Variants in DNAH6 observed in about 807,000 individuals in gnomAD.
DNAH6 encodes the protein dynein axonemal heavy chain 6.
A neutral mutation model predicts 491.4 loss-of-function variants in DNAH6; 340 were observed. That is an observed-to-expected ratio of 0.69 (90% CI 0.63 to 0.76). DNAH6 has a LOEUF of 0.76. Among genes scored for constraint, DNAH6 ranks in the 30% least tolerant of loss-of-function variants. DNAH6 has a pLI of 0.00. For missense variants in DNAH6, 4,443 were observed against 4,972.2 expected (o/e 0.89, Z 3.20); for synonymous variants, 1,603 against 1,686.1 (o/e 0.95, Z 1.21).
chr2:84,669,350 C>T lies in DNAH6; in HGVS notation c.6146C>T (p.Pro2049Leu). 2 of 1,548,340 alleles carry T rather than the reference C, an allele frequency of 1.3e-6. No homozygotes were observed. Among genetic ancestry groups the T allele is most frequent in the Middle Eastern group, 1.7e-4 (1 of 5,996 alleles). ...HMDFDTKRLD[P>L]WERIIPTFKY... is the part of the protein sequence containing the mutation. ...GACTTTGACACCAAACGGCTGGATC[C>T]CTGGGAACGAATCATACCTACTTTC... The change falls in exon 38 of 77, where the codon CCC becomes CTC. Residue 2049 changes from proline (P) to leucine (L), a missense_variant. Physicochemically the swap from Pro to Leu is moderately conservative, Grantham distance 98. This residue lies in a region of DNAH6 where 2,977 missense variants were observed against 3,296.6 expected (regional missense o/e 0.90). Transcript: ENST00000389394.
the DNAH6 span, among the ~76,000 whole-genome samples, chr2:84,484,009 G>T: frequency 2.2e-4 from 34 of 152,102 alleles, no homozygotes; most frequent in African/African-American, 8.2e-4. Context: ...TACCCACTTG[G>T]TTTTTGTTGA....
chr2:84,744,307 G>T (rs957012795), intron 62 of DNAH6, among the ~76,000 whole-genome samples: 1 of 152,156 alleles, frequency 6.6e-6, no homozygotes, highest in African/African-American at 2.4e-5. Context: ...TAGTTATTTT[G>T]GCTTTCTGAA....
At chr2:84,550,180 G>A (rs572615733) in intron 9 of DNAH6, 123 bp downstream of exon 9, 51 of 789,592 alleles carry the variant, frequency 6.5e-5, no homozygotes, top group Middle Eastern at 3.8e-4. Context: ...ATAGAGCAGC[G>A]GCCCCCAACA....
At chr2:84,635,177 T>A (rs1573306098) in intron 30 of DNAH6, among the ~76,000 whole-genome samples, 2 of 152,138 alleles carry the variant, frequency 1.3e-5, no homozygotes, top group East Asian at 3.9e-4. Flanking sequence ...TTGGAAGGTG[T>A]CCTGATAAGA....
intron 10 of DNAH6, among the ~76,000 whole-genome samples, chr2:84,554,775 C>T (rs1171763903): frequency 6.6e-6 from 1 of 152,190 alleles, no homozygotes; most frequent in East Asian, 1.9e-4. Context: ...GCTCTCATGT[C>T]CCCTCCTGGC....
chr2:84,720,212 G>A (rs1697964862), intron 59 of DNAH6, among the ~76,000 whole-genome samples: 1 of 151,748 alleles, frequency 6.6e-6, no homozygotes, highest in African/African-American at 2.4e-5. Flanking sequence ...ATGACCTAGG[G>A]GGTCCTCTTA....
chr2:84,650,962 G>T (rs770660672), intron 33 of DNAH6, among the ~76,000 whole-genome samples: 12 of 152,138 alleles, frequency 7.9e-5, no homozygotes, highest in Admixed American at 1.3e-4. Context: ...ATGCAACTTT[G>T]TTACTGCCAG....
the DNAH6 span, among the ~76,000 whole-genome samples, chr2:84,488,793 T>TA: frequency 6.6e-6 from 1 of 152,228 alleles, no homozygotes; most frequent in East Asian, 1.9e-4. Context: ...GATGAGGACC[T>TA]AAACATCTTT....
chr2:84,676,351 C>T (rs1693234150), intron 40 of DNAH6, among the ~76,000 whole-genome samples: 1 of 152,124 alleles, frequency 6.6e-6, no homozygotes, highest in Admixed American at 6.5e-5. Context: ...TGTAAAATGG[C>T]CCAGTTGTGG....
chr2:84,627,789 C>G (rs1486289954), intron 29 of DNAH6, among the ~76,000 whole-genome samples: 1 of 152,156 alleles, frequency 6.6e-6, no homozygotes, highest in African/African-American at 2.4e-5. Flanking sequence ...CTTCTGTTCT[C>G]CACTTCTCTT....
At chr2:84,493,958 C>G in the DNAH6 span, among the ~76,000 whole-genome samples, 1 of 152,118 alleles carries the variant, frequency 6.6e-6, no homozygotes, top group Non-Finnish European at 1.5e-5. Context: ...TGGTCAAGCA[C>G]GAGGAACTAA....
At chr2:84,778,338 T>C (rs1466468074) in intron 64 of DNAH6, 3 of 404,952 alleles carry the variant, frequency 7.4e-6, no homozygotes, top group Non-Finnish European at 1.4e-5. Flanking sequence ...TTATTAATTC[T>C]TTGTATGGAT....
intron 2 of DNAH6, among the ~76,000 whole-genome samples, chr2:84,520,347 A>G (rs1269126117): frequency 2.6e-5 from 4 of 151,984 alleles, no homozygotes; most frequent in African/African-American, 7.2e-5. Context: ...ATCTCTTCCA[A>G]CTTTTTGTTG....
At chr2:84,477,004 T>C in the DNAH6 span, among the ~76,000 whole-genome samples, 1 of 152,138 alleles carries the variant, frequency 6.6e-6, no homozygotes, top group Non-Finnish European at 1.5e-5. Context: ...TTCACTGGGG[T>C]CTTTGTCGCC....
chr2:84,708,475 A>AGGG (rs137904290), intron 54 of DNAH6, among the ~76,000 whole-genome samples: 128 of 49,686 alleles, frequency 2.6e-3, no homozygotes, highest in Non-Finnish European at 3.7e-3. Context: ...AAAGAGAGAA[A>AGGG]GGGGGGGGGG....
intron 41 of DNAH6, among the ~76,000 whole-genome samples, chr2:84,677,355 G>A (rs1693341536): frequency 6.6e-6 from 1 of 152,180 alleles, no homozygotes; most frequent in African/African-American, 2.4e-5. Context: ...TAGAAATGCA[G>A]AAAGATTGTG....
chr2:84,527,391 T>C (rs1676700362), intron 3 of DNAH6, among the ~76,000 whole-genome samples: 1 of 152,148 alleles, frequency 6.6e-6, no homozygotes, highest in African/African-American at 2.4e-5. Flanking sequence ...TCCCACTGAG[T>C]TACATAATGA....
intron 26 of DNAH6, 38 bp downstream of exon 26, chr2:84,621,589 G>A: frequency 7.5e-7 from 1 of 1,337,916 alleles, no homozygotes; most frequent in East Asian, 2.6e-5. Flanking sequence ...TGTCCTGCAA[G>A]ATGGTCTTGG....
chr2:84,734,904 T>C (rs963726905), intron 62 of DNAH6, among the ~76,000 whole-genome samples: 1 of 152,228 alleles, frequency 6.6e-6, no homozygotes, highest in Non-Finnish European at 1.5e-5. Flanking sequence ...TTATTATTTT[T>C]ATTTTATTTT....
Sources: allele counts gnomAD v4.1 joint callset (sites outside exome capture counted in the v4.1 genomes callset), GRCh38; gene constraint gnomAD v4.1.1; regional missense constraint gnomAD v4.1.1; transcripts MANE v1.5; gene names NCBI Gene and HGNC (gene_info 2026-07-23, HGNC 2026-07-21).